The following SV2B variants were observed in gnomAD, a reference collection of about 807,000 sequenced individuals.
SV2B encodes the protein synaptic vesicle glycoprotein 2B.
A neutral mutation model predicts 73.9 loss-of-function variants in SV2B; 41 were observed. That is an observed-to-expected ratio of 0.56 (90% confidence interval 0.43 to 0.72). The LOEUF is 0.72. Among genes scored for constraint, SV2B ranks in the 30% least tolerant of loss-of-function variants. The probability of loss-of-function intolerance (pLI) is 0.00; values close to 1 mark genes in which losing one functional copy is unlikely to be tolerated. For synonymous variants in SV2B, 314 were observed against 314.2 expected (o/e 1.00, Z 0.01); for missense variants, 764 against 857.8 (o/e 0.89, Z 1.37).
chr15:91,158,683 TCTC>T lies in SV2B; in HGVS notation c.-392+58321_-392+58323del, dbSNP rs1417214660. ...TCTCTTCTCTTCTCTTCTCTTCTCT[TCTC>T]TTCTCTTCTCTTCTCTCCTCTCCTC... is the stretch of plus-strand genomic sequence containing the variant. On this transcript the variant is annotated intron_variant, in intron 1 of 12. Coordinates refer to ENST00000394232, the MANE Select transcript of SV2B (RefSeq NM_001323032.3). Among the ~76,000 whole-genome samples, 2 of 61,560 alleles carry T rather than the reference TCTC, an allele frequency of 3.2e-5. 1 individual carries two copies. The highest frequency in any genetic ancestry group is 6.5e-5 in the Non-Finnish European group (2 of 30,708). 40.4% of individuals were successfully genotyped at this position (61,560 alleles called of 152,430 possible).
At chr15:91,210,712 T>G (rs1250867398) in intron 1 of SV2B, among the ~76,000 whole-genome samples, 1 of 152,200 alleles carries the variant, frequency 6.6e-6, no homozygotes, top group East Asian at 1.9e-4. Context: ...TGTCCCCTAT[T>G]GGAGCAATGC....
chr15:91,200,810 CTGAG>C (rs958187707), intron 1 of SV2B, among the ~76,000 whole-genome samples: 2 of 152,092 alleles, frequency 1.3e-5, no homozygotes, highest in African/African-American at 4.8e-5. Context: ...CCTCAGGAGC[CTGAG>C]GTGGGAGGAA....
chr15:91,177,271 A>T (rs1185113431), intron 1 of SV2B, among the ~76,000 whole-genome samples: 2 of 151,978 alleles, frequency 1.3e-5, no homozygotes, highest in Non-Finnish European at 2.9e-5. Flanking sequence ...TGGTACCAGT[A>T]CCATGCTGTT....
At chr15:91,246,851 A>G (rs1351131118) in intron 2 of SV2B, among the ~76,000 whole-genome samples, 1 of 151,980 alleles carries the variant, frequency 6.6e-6, no homozygotes, top group Admixed American at 6.6e-5. Flanking sequence ...TATGCCACCG[A>G]GCTTGTTGAG....
Position 91,268,346 on chromosome 15 carries a change from A to G in SV2B, c.1209-95A>G, listed in dbSNP as rs1405451366. ...TAATGAACCAAATTAATGTATTTTCAATGAGTTTGATCTGCATCAAGTCAA... is the reference window on the plus strand; with the variant it reads ...TAATGAACCAAATTAATGTATTTTCGATGAGTTTGATCTGCATCAAGTCAA... On this transcript the variant is annotated intron_variant, in intron 8 of 12. Transcript: ENST00000394232. This position sits in a 1 kb window ranked among gnomAD's most constrained non-coding sequence, Gnocchi z 4.4. The G allele has an allele frequency of 6.6e-6, 8 of 1,215,820 alleles. No homozygotes were observed. The African/African-American group carries it at 1.1e-4, about 16-fold the overall frequency. 75.3% of individuals were successfully genotyped at this position (1,215,820 alleles called of 1,614,324 possible).
chr15:91,108,954 C>T (rs2041963688), intron 1 of SV2B, among the ~76,000 whole-genome samples: 1 of 152,204 alleles, frequency 6.6e-6, no homozygotes, highest in Admixed American at 6.5e-5. Flanking sequence ...CTCCTGTTCC[C>T]TTCAGTTGTT....
chr15:91,158,467 G>A (rs1466980325), intron 1 of SV2B, among the ~76,000 whole-genome samples: 2 of 151,730 alleles, frequency 1.3e-5, no homozygotes, highest in Non-Finnish European at 2.9e-5. Context: ...GGATTAGAGG[G>A]GAACAATCCA....
rs2047065551 is a variant in SV2B, at chr15:91,242,652, A to G, written c.452-9167A>G. 6.6e-6 allele frequency among the ~76,000 whole-genome samples: 1 copy of G among 152,234 alleles called. No individual in the cohort carries two copies. Among genetic ancestry groups the G allele is most frequent in the African/African-American group, 2.4e-5 (1 of 41,454 alleles). On this transcript the variant is annotated intron_variant, in intron 2 of 12. Transcript: ENST00000394232. The surrounding 1 kb of genome is among the most constrained non-coding windows in gnomAD (Gnocchi z 4.9). ...GAGGTGGGAGAGAGCATAGGACATC[A>G]GTATCCAGGGGTTGCTTAATACTTG...
intron 2 of SV2B, among the ~76,000 whole-genome samples, chr15:91,251,011 A>T (rs1465844529): frequency 6.6e-6 from 1 of 152,244 alleles, no homozygotes; most frequent in Admixed American, 6.5e-5. Flanking sequence ...GTCGAGCCAA[A>T]AGAACAAAGC....
intron 1 of SV2B, among the ~76,000 whole-genome samples, chr15:91,166,813 C>CTTTTTTTTT (rs1567307413): frequency 6.7e-6 from 1 of 148,272 alleles, no homozygotes; most frequent in African/African-American, 2.5e-5. Context: ...CTTTTGTTTT[C>CTTTTTTTTT]TTTTCTTTTT....
intron 1 of SV2B, among the ~76,000 whole-genome samples, chr15:91,187,423 A>G (rs1044876690): frequency 2.0e-5 from 3 of 152,236 alleles, no homozygotes; most frequent in Non-Finnish European, 2.9e-5. Context: ...GCTTACCAGC[A>G]TGTGAAAGTA....
chr15:91,283,258 A>G lies in SV2B; in HGVS notation c.1508-763A>G, dbSNP rs181473776. Among the ~76,000 whole-genome samples the G allele has an allele frequency of 6.6e-6, 1 of 152,326 alleles. No individual in the cohort carries two copies. Among genetic ancestry groups the G allele is most frequent in the Admixed American group, 6.5e-5 (1 of 15,298 alleles). On this transcript the variant is annotated intron_variant, in intron 10 of 12. Transcript: ENST00000394232. This position sits in a 1 kb window ranked among gnomAD's most constrained non-coding sequence, Gnocchi z 4.3. The stretch of plus-strand genomic sequence containing the variant: ...TGGCTTTTATTTTTTAAGAATGTTC[A>G]GGTTTTGGCACAGACTACAGCATGG...
At chr15:91,172,033 G>T (rs1027198266) in intron 1 of SV2B, among the ~76,000 whole-genome samples, 5 of 152,138 alleles carry the variant, frequency 3.3e-5, no homozygotes, top group Non-Finnish European at 7.3e-5. Context: ...TGTGGTGGGG[G>T]TTAAGTGTAT....
Position 91,268,536 on chromosome 15 carries a change from T to C in SV2B, c.1304T>C (p.Val435Ala). ...SKMKVFFGEH[V>A]YGATINFTME... The stretch of plus-strand genomic sequence containing the variant: ...ATGAAGGTGTTTTTTGGTGAGCATG[T>C]GTACGGCGCCACAATCAACTTCACG... Residue 435 changes from valine to alanine, a missense_variant, in exon 9 of 13, where the codon GTG (valine) becomes GCG (alanine). Physicochemically the swap from Val to Ala is moderately conservative, Grantham distance 64. Transcript: ENST00000394232. The surrounding 1 kb of genome is among the most constrained non-coding windows in gnomAD (Gnocchi z 4.4). 6.2e-7 allele frequency: 1 copy of C among 1,614,134 alleles called. No individual in the cohort carries two copies. Among genetic ancestry groups the C allele is most frequent in the Non-Finnish European group, 8.5e-7 (1 of 1,179,970 alleles).
intron 1 of SV2B, among the ~76,000 whole-genome samples, chr15:91,188,945 G>A (rs1431369512): frequency 6.6e-6 from 1 of 152,018 alleles, no homozygotes; most frequent in Non-Finnish European, 1.5e-5. Context: ...TCTAGCCTCG[G>A]CCTCCCAAAT....
At position 91,236,057 on chromosome 15, in the gene SV2B, T is replaced by G. The variant is rs1003616020; in HGVS notation, c.451+9343T>G. On this transcript the variant is annotated intron_variant, in intron 2 of 12. Transcript: ENST00000394232. This position sits in a 1 kb window ranked among gnomAD's most constrained non-coding sequence, Gnocchi z 4.1. ...TTAGTCAGTACTCATCCTGCTCCCCTGATCCAACTGCAAAACCTGATGTTT... is the reference window on the plus strand; with the variant it reads ...TTAGTCAGTACTCATCCTGCTCCCCGGATCCAACTGCAAAACCTGATGTTT... Among the ~76,000 whole-genome samples, 1 of 152,222 alleles carries G rather than the reference T, an allele frequency of 6.6e-6. No homozygotes were observed. Among genetic ancestry groups the G allele is most frequent in the Non-Finnish European group, 1.5e-5 (1 of 68,030 alleles).
intron 2 of SV2B, among the ~76,000 whole-genome samples, chr15:91,248,240 G>A (rs998880532): frequency 6.6e-6 from 1 of 152,110 alleles, no homozygotes; most frequent in Admixed American, 6.5e-5. Context: ...AGGATGGCGT[G>A]AACCCGGGAG....
At position 91,289,895 on chromosome 15, in the gene SV2B, A is replaced by G. The variant is rs186531082; in HGVS notation, c.1868+215A>G. ...CTTGGATAGGGTGGGAAAGATGGCA[A>G]GAAGCAAAGGATGGGAGCAAACTAT... is the stretch of plus-strand genomic sequence containing the variant. On this transcript the variant is annotated intron_variant, in intron 12 of 12. Coordinates refer to ENST00000394232, the MANE Select transcript of SV2B (RefSeq NM_001323032.3). The surrounding 1 kb of genome is among the most constrained non-coding windows in gnomAD (Gnocchi z 4.9). Among the ~76,000 whole-genome samples, 1 of 152,370 alleles carries G rather than the reference A, an allele frequency of 6.6e-6. No homozygotes were observed. Among genetic ancestry groups the G allele is most frequent in the East Asian group, 1.9e-4 (1 of 5,186 alleles).
chr15:91,295,394 A>T lies in SV2B; in HGVS notation c.*2842A>T, dbSNP rs2141828766. 1 of 152,360 alleles carries T rather than the reference A, an allele frequency of 6.6e-6. No individual in the cohort carries two copies. Among genetic ancestry groups the T allele is most frequent in the East Asian group, 1.9e-4 (1 of 5,194 alleles). The allele number at this position is 152,360 out of a possible 1,614,324, so 9.4% of individuals were successfully genotyped here. A position where few individuals can be genotyped will look rare whatever the true frequency, so the allele number is the denominator to read the frequency against. On this transcript the variant is annotated 3_prime_UTR_variant, in exon 13 of 13. Coordinates refer to ENST00000394232, the MANE Select transcript of SV2B (RefSeq NM_001323032.3). Reference sequence around the variant, plus strand: ...TGTGTTAGTTCATTAAAACTAAATAATAAAAATAACTGTAAGAAAACCTTA... The same window carrying T: ...TGTGTTAGTTCATTAAAACTAAATATTAAAAATAACTGTAAGAAAACCTTA...
Sources: allele counts gnomAD v4.1 joint callset (sites outside exome capture counted in the v4.1 genomes callset), GRCh38; gene constraint gnomAD v4.1.1; non-coding constraint Gnocchi (gnomAD v3.1); transcripts MANE v1.5; gene names NCBI Gene and HGNC (gene_info 2026-07-23, HGNC 2026-07-21).